Variants in MCF2 observed in about 807,000 individuals in gnomAD.
MCF2 encodes the protein MCF.2 cell line derived transforming sequence, also known as proto-oncogene DBL.
In MCF2, 44 loss-of-function variants were observed where a neutral mutation model predicts 82.5. The observed-to-expected ratio is 0.53, with a 90% CI of 0.42 to 0.69. The LOEUF (loss-of-function observed/expected upper bound fraction) is 0.69, where lower values mean the gene tolerates loss of function less well. Among genes scored for constraint, MCF2 ranks in the 30% least tolerant of loss-of-function variants. The probability of loss-of-function intolerance (pLI) is 0.00; values close to 1 mark genes in which losing one functional copy is unlikely to be tolerated. For missense variants in MCF2, 623 were observed against 663.1 expected (o/e 0.94, Z 0.66); for synonymous variants, 217 against 224.9 (o/e 0.96, Z 0.32).
At chrX:139,603,331 A>G (rs1186550449) in intron 15 of MCF2, among the ~76,000 whole-genome samples, 1 of 112,331 alleles carries the variant, frequency 8.9e-6, no homozygotes, top group African/African-American at 3.2e-5. Context: ...AGATACAACA[A>G]TATATAGGAT....
intron 1 of MCF2, among the ~76,000 whole-genome samples, chrX:139,677,598 A>G (rs767066975): frequency 2.3e-4 from 26 of 111,189 alleles, no homozygotes; most frequent in South Asian, 7.7e-4. Flanking sequence ...TCTCCAAACA[A>G]TCACAAAGGA....
intron 1 of MCF2, 36 bp from the exon 5 acceptor site, chrX:139,632,490 A>C: frequency 8.6e-7 from 1 of 1,159,177 alleles, no homozygotes; most frequent in East Asian, 3.0e-5. Flanking sequence ...TTGGAAAAAA[A>C]ATTGTCAACA....
chrX:139,688,902 C>T (rs1013501366), intron 1 of MCF2, among the ~76,000 whole-genome samples: 4 of 111,517 alleles, frequency 3.6e-5, no homozygotes, highest in Non-Finnish European at 3.8e-5. Flanking sequence ...CAGCTGCAGA[C>T]CCATTCGTCA....
intron 1 of MCF2, among the ~76,000 whole-genome samples, chrX:139,640,927 T>C (rs1012312522): frequency 9.0e-6 from 1 of 110,620 alleles, no homozygotes; most frequent in African/African-American, 3.3e-5. Context: ...CCATCTCCTG[T>C]ATAAGGCCTT....
intron 1 of MCF2, among the ~76,000 whole-genome samples, chrX:139,699,914 C>G (rs1159769270): frequency 8.9e-6 from 1 of 112,215 alleles, no homozygotes; most frequent in African/African-American, 3.2e-5. Context: ...TAGAGATACA[C>G]TCATTTTGAA....
At chrX:139,606,259 T>A (rs1208833547) in intron 12 of MCF2, among the ~76,000 whole-genome samples, 2 of 109,900 alleles carry the variant, frequency 1.8e-5, no homozygotes, top group African/African-American at 6.6e-5. Context: ...GGCACTATTT[T>A]TCCCTTTTCA....
intron 17 of MCF2, among the ~76,000 whole-genome samples, chrX:139,598,041 C>T (rs866816411): frequency 8.9e-5 from 10 of 111,928 alleles, no homozygotes; most frequent in East Asian, 2.8e-4. Flanking sequence ...GAGTGCCATT[C>T]GCATTTTTCA....
At chrX:139,692,758 G>C (rs1383392621) in intron 1 of MCF2, among the ~76,000 whole-genome samples, 1 of 112,417 alleles carries the variant, frequency 8.9e-6, no homozygotes, top group Non-Finnish European at 1.9e-5. Flanking sequence ...GGCCCTGTCA[G>C]GGCTGCTGTC....
upstream of MCF2, chrX:139,646,960 G>A (rs1429107047): frequency 2.6e-5 from 18 of 705,216 alleles, no homozygotes; most frequent in Non-Finnish European, 2.1e-6. Flanking sequence ...AACGAAGCAA[G>A]AAGAGGATTT....
intron 10 of MCF2, among the ~76,000 whole-genome samples, chrX:139,612,786 A>T (rs1931597703): frequency 8.9e-6 from 1 of 111,786 alleles, no homozygotes; most frequent in Non-Finnish European, 1.9e-5. Context: ...TGTATAATAG[A>T]TAAAAACATT....
intron 6 of MCF2, among the ~76,000 whole-genome samples, chrX:139,620,304 T>A (rs1932257115): frequency 9.0e-6 from 1 of 111,018 alleles, no homozygotes; most frequent in South Asian, 3.8e-4. Context: ...AAGAAAGTGA[T>A]TTATTTAAAT....
intron 20 of MCF2, among the ~76,000 whole-genome samples, chrX:139,588,746 A>AT (rs1318280828): frequency 9.3e-6 from 1 of 106,991 alleles, no homozygotes; most frequent in Non-Finnish European, 1.9e-5. Context: ...CCCCATCTCT[A>AT]CTACTACTAC....
In MCF2 at chrX:139,588,675, C is replaced by T. The variant is rs1376933836; in HGVS notation, c.2371-237G>A. ...GCTGTAATCCCAGGACTTTGGGAGG[C>T]CAAGGTGGGCAGATCTCTTGAGCCC... is the stretch of plus-strand genomic sequence containing the variant. On this transcript the variant is annotated intron_variant, in intron 20 of 24. Coordinates refer to ENST00000370576, the Ensembl canonical transcript of MCF2. 1.3e-4 allele frequency among the ~76,000 whole-genome samples: 14 copies of T among 110,019 alleles called. No homozygotes were observed. The East Asian group carries it at 3.7e-3, about 29-fold the overall frequency.
At chrX:139,696,689 A>T (rs1253376555) in intron 1 of MCF2, among the ~76,000 whole-genome samples, 1 of 111,622 alleles carries the variant, frequency 9.0e-6, no homozygotes, top group Non-Finnish European at 1.9e-5. Flanking sequence ...GTGGCCTGGA[A>T]TATTATTTCA....
Position 139,642,780 on chromosome X carries a change from A to C in MCF2, c.-262T>G, listed in dbSNP as rs995505766. On this transcript the variant is annotated 5_prime_UTR_variant, in exon 1 of 25. Transcript: ENST00000370576. ...AGTTAACACATTCCTCCAATTACTT[A>C]GCCTGATTGAACCTTGTGGATTAGC... 25 of 1,017,050 alleles carry C rather than the reference A, an allele frequency of 2.5e-5. No individual in the cohort carries two copies. In the Middle Eastern group the frequency reaches 1.7e-3, roughly 68 times the overall value. 83.8% of individuals were successfully genotyped at this position (1,017,050 alleles called of 1,213,427 possible).
At chrX:139,651,778 C>G (rs1456256921) in exon 2 of MCF2, 2 of 1,148,914 alleles carry the variant, frequency 1.7e-6, no homozygotes, top group East Asian at 3.2e-5. Flanking sequence ...TACGGAGGAG[C>G]AGATCGGTTT....
chrX:139,632,488 A>G, intron 1 of MCF2, 34 bp from the exon 5 acceptor site: 1 of 1,168,163 alleles, frequency 8.6e-7, no homozygotes, highest in Non-Finnish European at 1.2e-6. Context: ...AATTGGAAAA[A>G]AAATTGTCAA....
At chrX:139,676,333 C>G (rs2148559148) in intron 1 of MCF2, among the ~76,000 whole-genome samples, 1 of 112,144 alleles carries the variant, frequency 8.9e-6, no homozygotes. Context: ...GCTGCACCCA[C>G]TGTCCAACAA....
chrX:139,611,946 G>C (rs1305769321), intron 10 of MCF2, among the ~76,000 whole-genome samples: 1 of 110,609 alleles, frequency 9.0e-6, no homozygotes, highest in African/African-American at 3.3e-5. Context: ...TGTGTGTAAT[G>C]TCCACAAAGT....
Sources: gnomAD v4.1 joint callset for allele counts (sites outside exome capture counted in the v4.1 genomes callset) on GRCh38, gnomAD v4.1.1 for gene constraint, MANE v1.5 for transcripts, NCBI Gene and HGNC (gene_info 2026-07-23, HGNC 2026-07-21) for gene names.